The following FOXP1 variants were observed in gnomAD, a reference collection of about 807,000 sequenced individuals.
The protein encoded by FOXP1 is forkhead box P1, also known as forkhead box protein P1.
Under a neutral mutation model 98.2 loss-of-function variants are expected in FOXP1, and 15 were observed. The ratio of observed to expected loss-of-function variants is 0.15; its 90% CI spans 0.10 to 0.24. The LOEUF is 0.24. Ranked by LOEUF, FOXP1 falls within the 10% of genes least tolerant of loss-of-function variation. The pLI, the probability that FOXP1 is intolerant of heterozygous loss-of-function variation, is 1.00. For missense variants in FOXP1, 633 were observed against 848.5 expected (o/e 0.75, Z 3.15); for synonymous variants, 371 against 314.5 (o/e 1.18, Z -1.90).
intron 3 of FOXP1, among the ~76,000 whole-genome samples, chr3:71,399,068 TATA>T (rs760376447): frequency 5.3e-5 from 8 of 152,234 alleles, no homozygotes; most frequent in Non-Finnish European, 7.3e-5. Context: ...CCTCGCTGAT[TATA>T]ATATTTATTT....
chr3:71,030,605 G>A (rs1171785776), intron 11 of FOXP1, among the ~76,000 whole-genome samples: 1 of 152,246 alleles, frequency 6.6e-6, no homozygotes, highest in African/African-American at 2.4e-5. Context: ...CACCTGGCCT[G>A]TGGTTTGAGC....
At chr3:71,305,460 C>T (rs2074201824) in intron 4 of FOXP1, among the ~76,000 whole-genome samples, 1 of 152,142 alleles carries the variant, frequency 6.6e-6, no homozygotes, top group South Asian at 2.1e-4. Context: ...CTTTCCTATT[C>T]CGGCACAGAC....
chr3:70,990,831 C>T (rs1478755297), intron 13 of FOXP1, among the ~76,000 whole-genome samples: 1 of 152,112 alleles, frequency 6.6e-6, no homozygotes, highest in Admixed American at 6.6e-5. Flanking sequence ...AGGGTGAAAA[C>T]GGTTAAGGAT....
chr3:70,999,331 A>T (rs1045303541), intron 13 of FOXP1, among the ~76,000 whole-genome samples: 6 of 152,044 alleles, frequency 3.9e-5, no homozygotes, highest in African/African-American at 1.4e-4. Flanking sequence ...CTTGTGATCC[A>T]CCCGCCTTGG....
chr3:71,343,554 A>ATTTTTTTTTTT (rs10658352), intron 4 of FOXP1, among the ~76,000 whole-genome samples: 2 of 116,414 alleles, frequency 1.7e-5, no homozygotes, highest in Non-Finnish European at 3.3e-5. Flanking sequence ...TCTCAATTAG[A>ATTTTTTTTTTT]TTTTTTTTTT....
chr3:71,044,342 AG>A (rs1254912496), intron 10 of FOXP1, among the ~76,000 whole-genome samples: 1 of 152,242 alleles, frequency 6.6e-6, no homozygotes, highest in African/African-American at 2.4e-5. Context: ...AAAAATTAAA[AG>A]GTCAGAATAA....
At chr3:71,242,888 A>G (rs4055824) in intron 5 of FOXP1, among the ~76,000 whole-genome samples, 120,014 of 152,142 alleles carry the variant, frequency 0.79, 47,760 homozygotes, top group African/African-American at 0.89. Context: ...TATTCATCGA[A>G]GAATCCATTA....
In FOXP1 at chr3:71,579,195, T is replaced by A. The variant is rs900518709; in HGVS notation, c.-298+2354A>T. Among the ~76,000 whole-genome samples the A allele has an allele frequency of 7.9e-5, 12 of 152,324 alleles. 1 individual carries two copies. The highest frequency in any genetic ancestry group is 7.2e-4 in the Admixed American group (11 of 15,298). On this transcript the variant is annotated intron_variant, in intron 2 of 20. Transcript: ENST00000649528. ...CTGTTTCCTACTTTGTTCTACTTAATTTAAAATAACATTTAATTTGGGGAT... is the reference window on the plus strand; with the variant it reads ...CTGTTTCCTACTTTGTTCTACTTAAATTAAAATAACATTTAATTTGGGGAT...
chr3:71,088,882 C>T (rs2055462344), intron 7 of FOXP1, among the ~76,000 whole-genome samples: 1 of 152,186 alleles, frequency 6.6e-6, no homozygotes, highest in Admixed American at 6.5e-5. Context: ...TTGTCAATCT[C>T]TCTTTCTTAT....
At chr3:71,124,098 C>T (rs1311966926) in intron 6 of FOXP1, among the ~76,000 whole-genome samples, 1 of 150,286 alleles carries the variant, frequency 6.7e-6, no homozygotes, top group African/African-American at 2.4e-5. Context: ...CAAATCTGCA[C>T]ATGTACCCAT....
chr3:71,483,740 G>T (rs570027754), intron 3 of FOXP1, among the ~76,000 whole-genome samples: 1 of 152,060 alleles, frequency 6.6e-6, no homozygotes, highest in African/African-American at 2.4e-5. Flanking sequence ...TTACAGAAAA[G>T]ATTCGCTGAT....
At chr3:71,440,071 T>C (rs1423081104) in intron 3 of FOXP1, among the ~76,000 whole-genome samples, 1 of 152,128 alleles carries the variant, frequency 6.6e-6, no homozygotes, top group African/African-American at 2.4e-5. Flanking sequence ...ATTCCATTTA[T>C]ATGAGGTATC....
chr3:71,120,950 G>A (rs985084341), intron 6 of FOXP1, among the ~76,000 whole-genome samples: 15 of 152,126 alleles, frequency 9.9e-5, no homozygotes, highest in Non-Finnish European at 1.8e-4. Flanking sequence ...GTAGGTTTGG[G>A]AGTTGTGCTT....
intron 4 of FOXP1, among the ~76,000 whole-genome samples, chr3:71,329,621 C>T (rs1375613282): frequency 6.7e-6 from 1 of 149,124 alleles, no homozygotes; most frequent in Non-Finnish European, 1.5e-5. Context: ...TCCCCTAAAG[C>T]ACTGGGAGAA....
chr3:71,341,374 G>C (rs1223923486), intron 4 of FOXP1, among the ~76,000 whole-genome samples: 1 of 152,162 alleles, frequency 6.6e-6, no homozygotes, highest in African/African-American at 2.4e-5. Flanking sequence ...AAGGAGATTA[G>C]AAAATACTTT....
At chr3:71,224,516 C>T (rs2065674201) in intron 5 of FOXP1, among the ~76,000 whole-genome samples, 1 of 152,060 alleles carries the variant, frequency 6.6e-6, no homozygotes, top group Non-Finnish European at 1.5e-5. Flanking sequence ...AAGTGATGGG[C>T]AAGAGGCAGA....
chr3:71,375,161 C>A, intron 3 of FOXP1, among the ~76,000 whole-genome samples: 1 of 152,246 alleles, frequency 6.6e-6, no homozygotes, highest in Non-Finnish European at 1.5e-5. Context: ...GTGGTTACCT[C>A]TAAATGCATT....
At chr3:70,975,417 G>A (rs1476498127) in intron 17 of FOXP1, among the ~76,000 whole-genome samples, 1 of 152,062 alleles carries the variant, frequency 6.6e-6, no homozygotes, top group Non-Finnish European at 1.5e-5. Flanking sequence ...GGGCCATAAT[G>A]GATATTCACA....
At position 71,046,931 on chromosome 3, in the gene FOXP1, T is replaced by C. The variant is rs200159497; in HGVS notation, c.664+11A>G. The C allele has an allele frequency of 1.9e-6, 3 of 1,613,916 alleles. No individual in the cohort carries two copies. The highest frequency in any genetic ancestry group is 2.2e-5 in the East Asian group (1 of 44,872). On this transcript the variant is annotated intron_variant, in intron 10 of 20. Coordinates refer to ENST00000649528, the MANE Select transcript of FOXP1 (RefSeq NM_001349338.3). ...TCACAGAGCTATGCCTTCTGTAAAATCAACGCATACCTTGAGCAAGAGGTT... is the reference window on the plus strand; with the variant it reads ...TCACAGAGCTATGCCTTCTGTAAAACCAACGCATACCTTGAGCAAGAGGTT...
Sources: gnomAD v4.1 joint callset for allele counts (sites outside exome capture counted in the v4.1 genomes callset) on GRCh38, gnomAD v4.1.1 for gene constraint, MANE v1.5 for transcripts, NCBI Gene and HGNC (gene_info 2026-07-23, HGNC 2026-07-21) for gene names.